Variants in PCNX2 observed in about 807,000 individuals in gnomAD.
PCNX2 encodes the protein pecanex 2.
PCNX2 carries 168 observed loss-of-function variants against 223.8 expected under a neutral mutation model. The observed-to-expected ratio is 0.75, with a 90% CI of 0.66 to 0.85. The LOEUF (loss-of-function observed/expected upper bound fraction) is 0.85, where lower values mean the gene tolerates loss of function less well. Among genes scored for constraint, PCNX2 ranks in the 40% least tolerant of loss-of-function variants. The pLI, the probability that PCNX2 is intolerant of heterozygous loss-of-function variation, is 0.00. For missense variants in PCNX2, 2,507 were observed against 2,675.5 expected (o/e 0.94, Z 1.39); for synonymous variants, 1,006 against 1,052.6 (o/e 0.96, Z 0.86).
At position 233,239,103 on chromosome 1, in the gene PCNX2, C is replaced by T. The variant is rs144554184; in HGVS notation, c.2223-2123G>A. Among the ~76,000 whole-genome samples the T allele has an allele frequency of 2.1e-3, 321 of 152,236 alleles. 2 individuals carry two copies. Among genetic ancestry groups the T allele is most frequent in the Admixed American group, 4.8e-3 (73 of 15,294 alleles). ...GACACAAATTCAGAGATATCTTAAA[C>T]GGAGCACATGCCAGAACTTCACTAC... is the stretch of plus-strand genomic sequence containing the variant. On this transcript the variant is annotated intron_variant, in intron 8 of 33. Transcript: ENST00000258229.
chr1:233,325,537 G>A, the PCNX2 span, among the ~76,000 whole-genome samples: 3 of 151,534 alleles, frequency 2.0e-5, no homozygotes, highest in East Asian at 1.9e-4. Flanking sequence ...TTAGCTGGGC[G>A]TGGTGGTGGG....
chr1:233,186,915 G>A (rs532996201), intron 15 of PCNX2, among the ~76,000 whole-genome samples: 55 of 152,070 alleles, frequency 3.6e-4, no homozygotes, highest in East Asian at 7.7e-4. Context: ...ACACAAATAC[G>A]TGTACTTCAG....
intron 22 of PCNX2, among the ~76,000 whole-genome samples, chr1:233,093,257 A>G (rs958396930): frequency 6.6e-6 from 1 of 152,346 alleles, no homozygotes; most frequent in Admixed American, 6.5e-5. Context: ...GTCTCTACAC[A>G]TATTAAAAGG....
chr1:233,316,987 C>T, the PCNX2 span, among the ~76,000 whole-genome samples: 8 of 152,156 alleles, frequency 5.3e-5, no homozygotes, highest in African/African-American at 1.7e-4. Context: ...TAATGCTTGA[C>T]GTTCACAAAA....
At chr1:233,067,795 A>G (rs1212513958) in intron 23 of PCNX2, among the ~76,000 whole-genome samples, 3 of 152,184 alleles carry the variant, frequency 2.0e-5, no homozygotes, top group Non-Finnish European at 4.4e-5. Context: ...TTTAAAAATA[A>G]AGTTCCCAAC....
chr1:233,210,297 G>A (rs1320158718), intron 12 of PCNX2, among the ~76,000 whole-genome samples: 1 of 151,720 alleles, frequency 6.6e-6, no homozygotes, highest in Non-Finnish European at 1.5e-5. Context: ...TTTTTTTTGA[G>A]ACCGAGTCTC....
chr1:232,997,591 A>G (rs180781522), intron 32 of PCNX2, among the ~76,000 whole-genome samples: 1 of 152,254 alleles, frequency 6.6e-6, no homozygotes, highest in East Asian at 1.9e-4. Context: ...CATCCTCTGG[A>G]TCTCCTTTTC....
At chr1:233,324,735 G>A in the PCNX2 span, among the ~76,000 whole-genome samples, 1 of 151,470 alleles carries the variant, frequency 6.6e-6, no homozygotes, top group African/African-American at 2.4e-5. Flanking sequence ...AGAGTAGCTG[G>A]GATTACAGGT....
chr1:233,017,193 T>G, intron 26 of PCNX2, 39 bp from the exon 27 acceptor site: 1 of 1,489,630 alleles, frequency 6.7e-7, no homozygotes, highest in Non-Finnish European at 9.2e-7. Flanking sequence ...TTTATTAATT[T>G]AATCTTAGAA....
chr1:233,085,241 A>C (rs1429777553), intron 23 of PCNX2, among the ~76,000 whole-genome samples: 2 of 151,860 alleles, frequency 1.3e-5, no homozygotes, highest in Non-Finnish European at 2.9e-5. Flanking sequence ...GCTGAGGTAG[A>C]AGAATCACTT....
At chr1:233,038,217 T>C (rs1270169264) in intron 25 of PCNX2, among the ~76,000 whole-genome samples, 1 of 152,198 alleles carries the variant, frequency 6.6e-6, no homozygotes, top group Non-Finnish European at 1.5e-5. Flanking sequence ...GTAACTCACA[T>C]TGGGCAGTTT....
intron 5 of PCNX2, among the ~76,000 whole-genome samples, chr1:233,256,805 C>T (rs2102992300): frequency 6.6e-6 from 1 of 152,246 alleles, no homozygotes. Flanking sequence ...TATATACCGC[C>T]CTGTCTGTTA....
chr1:233,068,334 C>A (rs1303020040), intron 23 of PCNX2, among the ~76,000 whole-genome samples: 4 of 151,710 alleles, frequency 2.6e-5, no homozygotes, highest in Non-Finnish European at 4.4e-5. Flanking sequence ...ATGTTCTACC[C>A]TGAAATAATA....
chr1:233,001,041 T>A lies in PCNX2; in HGVS notation c.5097+496A>T, dbSNP rs1008195251. On this transcript the variant is annotated intron_variant, in intron 29 of 33. Coordinates refer to ENST00000258229, the MANE Select transcript of PCNX2 (RefSeq NM_014801.4). This position sits in a 1 kb window ranked among gnomAD's most constrained non-coding sequence, Gnocchi z 4.2. ...GTTTCAGGCTGATCCTTTTTCTTTT[T>A]TTTTCCCCAAGAGACAGGGTCTTGC... 6.6e-6 allele frequency among the ~76,000 whole-genome samples: 1 copy of A among 152,138 alleles called. No homozygotes were observed. Among genetic ancestry groups the A allele is most frequent in the African/African-American group, 2.4e-5 (1 of 41,422 alleles).
intron 20 of PCNX2, among the ~76,000 whole-genome samples, chr1:233,135,627 CT>C (rs1380526658): frequency 6.6e-6 from 1 of 152,170 alleles, no homozygotes; most frequent in African/African-American, 2.4e-5. Context: ...GCTGCCCCTG[CT>C]AGAGTGAGCT....
At chr1:233,243,944 G>GCCT (rs1658947637) in intron 8 of PCNX2, among the ~76,000 whole-genome samples, 1 of 151,944 alleles carries the variant, frequency 6.6e-6, no homozygotes, top group Non-Finnish European at 1.5e-5. Context: ...CTATTCTCCT[G>GCCT]CCTCAGCCTC....
rs527905373 is a variant in PCNX2, at chr1:233,137,910, G to T, written c.3659+1804C>A. ...ATTGAAAAGTTGAATAAGAAACAGTGCCTGCTGTTGAAAAGTTCACTCTGT... is the reference window on the plus strand; with the variant it reads ...ATTGAAAAGTTGAATAAGAAACAGTTCCTGCTGTTGAAAAGTTCACTCTGT... On this transcript the variant is annotated intron_variant, in intron 20 of 33. Transcript: ENST00000258229. Among the ~76,000 whole-genome samples the T allele has an allele frequency of 3.3e-5, 5 of 152,300 alleles. No homozygotes were observed. In the South Asian group the frequency reaches 1.0e-3, roughly 32 times the overall value.
intron 15 of PCNX2, among the ~76,000 whole-genome samples, chr1:233,195,403 C>T (rs1186836957): frequency 2.0e-5 from 3 of 152,116 alleles, no homozygotes; most frequent in African/African-American, 7.2e-5. Flanking sequence ...GGGAGCAAGG[C>T]AAAGATGTCT....
intron 10 of PCNX2, among the ~76,000 whole-genome samples, chr1:233,222,489 T>G (rs550681597): frequency 2.6e-5 from 4 of 152,044 alleles, no homozygotes; most frequent in Admixed American, 2.0e-4. Context: ...CCCAGGAGTT[T>G]GTGACCAGCC....
Sources: allele counts gnomAD v4.1 joint callset (sites outside exome capture counted in the v4.1 genomes callset), GRCh38; gene constraint gnomAD v4.1.1; non-coding constraint Gnocchi (gnomAD v3.1); transcripts MANE v1.5; gene names NCBI Gene and HGNC (gene_info 2026-07-23, HGNC 2026-07-21).